Variants in NEK10 observed in about 807,000 individuals in gnomAD.
The protein encoded by NEK10 is NIMA related kinase 10, also known as serine/threonine-protein kinase Nek10.
A neutral mutation model predicts 159.8 loss-of-function variants in NEK10; 122 were observed. The ratio of observed to expected loss-of-function variants is 0.76; its 90% CI spans 0.66 to 0.89. The LOEUF is 0.89. Ranked by LOEUF, NEK10 falls within the 40% of genes least tolerant of loss-of-function variation. NEK10 has a pLI of 0.00. For synonymous variants in NEK10, 466 were observed against 457.1 expected (o/e 1.02, Z -0.25); for missense variants, 1,342 against 1,323.1 (o/e 1.01, Z -0.22).
intron 29 of NEK10, 115 bp from the exon 30 acceptor site, chr3:27,162,853 T>A: frequency 7.2e-7 from 1 of 1,382,264 alleles, no homozygotes; most frequent in Non-Finnish European, 9.9e-7. Flanking sequence ...TTATTTTCCC[T>A]CAAGATGCTC....
intron 15 of NEK10, among the ~76,000 whole-genome samples, chr3:27,294,505 A>G (rs966483207): frequency 3.9e-5 from 6 of 151,970 alleles, no homozygotes; most frequent in Non-Finnish European, 8.8e-5. Context: ...ATTCTAAAAA[A>G]CCCTCTACTG....
At chr3:27,210,376 A>C (rs1364816082) in intron 23 of NEK10, among the ~76,000 whole-genome samples, 1 of 152,152 alleles carries the variant, frequency 6.6e-6, no homozygotes, top group African/African-American at 2.4e-5. Context: ...CCATGAATGG[A>C]TCCTCATGAT....
At chr3:27,290,541 A>G in intron 19 of NEK10, 76 bp downstream of exon 19, 1 of 1,082,102 alleles carries the variant, frequency 9.2e-7, no homozygotes, top group Non-Finnish European at 1.3e-6. Context: ...AGCATGGACA[A>G]GAGCACCACA....
intron 30 of NEK10, among the ~76,000 whole-genome samples, chr3:27,152,010 TA>T (rs1944928213): frequency 6.6e-6 from 1 of 152,076 alleles, no homozygotes; most frequent in Admixed American, 6.6e-5. Context: ...AACAACCCAA[TA>T]CCAAGAATAA....
At chr3:27,201,077 A>G (rs557482211) in intron 25 of NEK10, among the ~76,000 whole-genome samples, 1 of 152,310 alleles carries the variant, frequency 6.6e-6, no homozygotes, top group Non-Finnish European at 1.5e-5. Flanking sequence ...ATGATAAATC[A>G]CATTATCAGT....
chr3:27,344,298 G>A lies in NEK10; in HGVS notation c.336C>T (p.Ala112=). The A allele has an allele frequency of 6.3e-7, 1 of 1,593,568 alleles. No homozygotes were observed. Among genetic ancestry groups the A allele is most frequent in the Non-Finnish European group, 8.6e-7 (1 of 1,165,184 alleles). Residue 112 remains alanine, a synonymous_variant, in exon 5 of 36, where the codon GCC becomes GCT. Transcript: ENST00000691995. ...QRKLFQEIFT[A]LVKNRLISRE... ...TGCTTATGAGTCTATTTTTCACCAA[G>A]GCGGTAAAGATCTCCTGAAATAGTT...
chr3:27,210,976 C>T (rs1167556517), intron 23 of NEK10, among the ~76,000 whole-genome samples: 4 of 152,186 alleles, frequency 2.6e-5, no homozygotes, highest in African/African-American at 9.6e-5. Context: ...GTTAGGGAAA[C>T]ATTTTATATC....
intron 11 of NEK10, 64 bp from the exon 12 acceptor site, chr3:27,305,035 G>A: frequency 3.1e-6 from 3 of 969,090 alleles, no homozygotes; most frequent in Non-Finnish European, 4.8e-6. Context: ...TTTACATTAA[G>A]ACTAAAGCTA....
At chr3:27,335,386 T>C (rs2046728207) in intron 5 of NEK10, among the ~76,000 whole-genome samples, 1 of 145,626 alleles carries the variant, frequency 6.9e-6, no homozygotes, top group South Asian at 2.2e-4. Flanking sequence ...AAGAGAGAGA[T>C]AGACTCTAAT....
rs561206564 is a variant in NEK10 at position 27,235,265 on chromosome 3, C to A, written c.2090+21031G>T. ...GCAACAAAAGCAAAAATTGACAAAT[C>A]AAATCTAATTAAACTAAAGAGCTTC... On this transcript the variant is annotated intron_variant, in intron 23 of 35. Coordinates refer to ENST00000691995, the MANE Select transcript of NEK10 (RefSeq NM_001394966.1). Among the ~76,000 whole-genome samples, 334 of 151,924 alleles carry A rather than the reference C, an allele frequency of 2.2e-3. 3 individuals are homozygous for A. Among genetic ancestry groups the A allele is most frequent in the African/African-American group, 7.7e-3 (318 of 41,502 alleles).
intron 1 of NEK10, among the ~76,000 whole-genome samples, chr3:27,356,347 A>G (rs2048325401): frequency 6.6e-6 from 1 of 152,130 alleles, no homozygotes. Context: ...CTCCATCTCT[A>G]CAAAAAATTT....
In NEK10 at chr3:27,352,460, G is replaced by A. The variant is rs953376865; in HGVS notation, c.132+5C>T. Reference sequence around the variant, plus strand: ...TACCAAGTGAACATTCTTTGAAAACGCTACCTGTTGTTTGCTTGATTGGAC... The same window carrying A: ...TACCAAGTGAACATTCTTTGAAAACACTACCTGTTGTTTGCTTGATTGGAC... On this transcript the variant is annotated splice_donor_5th_base_variant and intron_variant, in intron 3 of 35. Coordinates refer to ENST00000691995, the MANE Select transcript of NEK10 (RefSeq NM_001394966.1). 3.7e-6 allele frequency: 6 copies of A among 1,600,092 alleles called. No homozygotes were observed. The highest frequency in any genetic ancestry group is 1.7e-5 in the Admixed American group (1 of 59,862).
intron 23 of NEK10, among the ~76,000 whole-genome samples, chr3:27,230,707 G>A (rs1322715687): frequency 6.6e-6 from 1 of 151,904 alleles, no homozygotes; most frequent in African/African-American, 2.4e-5. Context: ...TGAAAAGCAA[G>A]CAGGAATAGC....
In NEK10 at chr3:27,315,106, T is replaced by C. The variant is rs1467488510; in HGVS notation, c.448-768A>G. Among the ~76,000 whole-genome samples the C allele has an allele frequency of 2.6e-5, 4 of 152,370 alleles. No individual in the cohort carries two copies. The East Asian group carries it at 7.7e-4, about 29-fold the overall frequency. Reference sequence around the variant, plus strand: ...CTCTTAGGTTAGCCACATTGTCATTTATCTATAGACAAATATTCTCAGGTG... The same window carrying C: ...CTCTTAGGTTAGCCACATTGTCATTCATCTATAGACAAATATTCTCAGGTG... On this transcript the variant is annotated intron_variant, in intron 6 of 35. Transcript: ENST00000691995.
chr3:27,245,899 G>A (rs13092134), intron 23 of NEK10, among the ~76,000 whole-genome samples: 29,092 of 152,032 alleles, frequency 0.19, 2,834 homozygotes, highest in Non-Finnish European at 0.22. Context: ...ATAGGAAATG[G>A]GAAATACTAT....
chr3:27,296,911 T>C (rs1185470778), intron 14 of NEK10, among the ~76,000 whole-genome samples: 3 of 152,090 alleles, frequency 2.0e-5, no homozygotes, highest in South Asian at 4.1e-4. Context: ...GTATCCCTTT[T>C]AGAAAGAAAA....
intron 22 of NEK10, among the ~76,000 whole-genome samples, chr3:27,262,774 C>T (rs913088420): frequency 2.0e-5 from 3 of 152,120 alleles, no homozygotes; most frequent in Admixed American, 1.3e-4. Context: ...GCCGTGGCTT[C>T]GAACTTCCTC....
intron 12 of NEK10, among the ~76,000 whole-genome samples, chr3:27,303,439 C>T (rs2149548474): frequency 6.6e-6 from 1 of 152,108 alleles, no homozygotes; most frequent in South Asian, 2.1e-4. Context: ...AAAGAATAAC[C>T]ACCACCATGA....
chr3:27,197,780 G>A (rs1031896273), intron 25 of NEK10, among the ~76,000 whole-genome samples: 1 of 148,256 alleles, frequency 6.7e-6, no homozygotes, highest in African/African-American at 2.6e-5. Context: ...TGACTGCTCT[G>A]ACCAGTACTT....
Sources: allele counts gnomAD v4.1 joint callset (sites outside exome capture counted in the v4.1 genomes callset), GRCh38; gene constraint gnomAD v4.1.1; transcripts MANE v1.5; gene names NCBI Gene and HGNC (gene_info 2026-07-23, HGNC 2026-07-21).